Variants in DENR observed in about 807,000 individuals in gnomAD.
DENR encodes the protein density-regulated protein.
DENR carries 6 observed loss-of-function variants against 30.6 expected under a neutral mutation model. That is an observed-to-expected ratio of 0.20 (90% CI 0.11 to 0.39). The LOEUF (loss-of-function observed/expected upper bound fraction) is 0.39, where lower values mean the gene tolerates loss of function less well. DENR is among the 10% of genes least tolerant of loss of function. DENR has a pLI of 1.00. For synonymous variants in DENR, 78 were observed against 72.1 expected (o/e 1.08, Z -0.41); for missense variants, 141 against 230.9 (o/e 0.61, Z 2.52).
At chr12:122,757,786 G>A (rs1593759944) in intron 2 of DENR, among the ~76,000 whole-genome samples, 1 of 152,284 alleles carries the variant, frequency 6.6e-6, no homozygotes, top group East Asian at 1.9e-4. Flanking sequence ...GATGTGATTG[G>A]TTATATCTTT....
intron 6 of DENR, among the ~76,000 whole-genome samples, chr12:122,767,820 A>G (rs1878887050): frequency 6.6e-6 from 1 of 152,198 alleles, no homozygotes; most frequent in African/African-American, 2.4e-5. Flanking sequence ...ACTTTCTGGA[A>G]TTCCTGCTTG....
At chr12:122,758,839 A>ATTTTTTTT (rs1326385469) in intron 2 of DENR, among the ~76,000 whole-genome samples, 1 of 109,058 alleles carries the variant, frequency 9.2e-6, no homozygotes, top group Admixed American at 1.2e-4. Flanking sequence ...TAGAGGCTTA[A>ATTTTTTTT]TTTTTTATTT....
intron 2 of DENR, among the ~76,000 whole-genome samples, chr12:122,760,479 C>T (rs559420544): frequency 6.6e-6 from 1 of 152,248 alleles, no homozygotes; most frequent in Admixed American, 6.5e-5. Flanking sequence ...CTCCTGTAAT[C>T]CCAGCACTTT....
rs1174833614 is a variant in DENR at position 122,769,294 on chromosome 12, GT to G, written c.*217del. On this transcript the variant is annotated 3_prime_UTR_variant, in exon 8 of 8. Transcript: ENST00000280557. ...TATGTATACATATATACACATATAT[GT>G]ATACATATATACACATATGTATACA... 3 of 753,250 alleles carry G rather than the reference GT, an allele frequency of 4.0e-6. No homozygotes were observed. The highest frequency in any genetic ancestry group is 1.2e-4 in the South Asian group (2 of 17,356). 46.7% of individuals were successfully genotyped at this position (753,250 alleles called of 1,614,324 possible).
intron 5 of DENR, among the ~76,000 whole-genome samples, chr12:122,765,957 C>T (rs1878837338): frequency 6.6e-6 from 1 of 151,930 alleles, no homozygotes. Flanking sequence ...ACTCCTGGTG[C>T]TGTGGATCCT....
At position 122,769,257 on chromosome 12, in the gene DENR, T is replaced by TAC. The variant is rs1422949237; in HGVS notation, c.*181_*182dup. On this transcript the variant is annotated 3_prime_UTR_variant, in exon 8 of 8. Coordinates refer to ENST00000280557, the MANE Select transcript of DENR (RefSeq NM_003677.5). ...GTGTATGTATACATGTATATATATATACATACACATATATGTATACATATA... is the reference window on the plus strand; with the variant it reads ...GTGTATGTATACATGTATATATATATACACATACACATATATGTATACATATA... 5.7e-6 allele frequency: 4 copies of TAC among 698,092 alleles called. No individual in the cohort carries two copies. The highest frequency in any genetic ancestry group is 7.2e-6 in the Non-Finnish European group (4 of 555,468). 43.2% of individuals were successfully genotyped at this position (698,092 alleles called of 1,614,324 possible).
At chr12:122,754,921 G>A (rs988980960) in intron 2 of DENR, among the ~76,000 whole-genome samples, 1 of 152,094 alleles carries the variant, frequency 6.6e-6, no homozygotes, top group African/African-American at 2.4e-5. Context: ...ATGTTTAATG[G>A]TGAAAAAGGA....
intron 5 of DENR, among the ~76,000 whole-genome samples, chr12:122,766,267 G>A (rs116639036): frequency 0.012 from 1,843 of 152,174 alleles, 40 homozygotes; most frequent in African/African-American, 0.042. Context: ...AATAATAAGC[G>A]CACATGCACT....
Position 122,762,890 on chromosome 12 carries a change from G to T in DENR, c.172G>T (p.Glu58Ter). The T allele has an allele frequency of 1.3e-6, 2 of 1,549,948 alleles. No homozygotes were observed. Among genetic ancestry groups the T allele is most frequent in the South Asian group, 2.4e-5 (2 of 83,166 alleles). Residue 58 changes from glutamate to a stop codon, truncating the protein, a stop_gained, in exon 4 of 8, where the codon GAG becomes TAG. Transcript: ENST00000280557. LOFTEE classifies it high-confidence loss of function. ...PDVAKCRQWL[E>*]KNFPNEFAKL... ...TGTTGCTAAATGTAGACAATGGTTA[G>T]AGAAGAATTTTCCAAATGAATTTGC... is the stretch of plus-strand genomic sequence containing the variant.
Position 122,770,566 on chromosome 12 carries a change from A to T in DENR, c.*1488A>T, listed in dbSNP as rs1879009075. The T allele has an allele frequency of 2.5e-6, 1 of 398,346 alleles. No individual in the cohort carries two copies. The highest frequency in any genetic ancestry group is 1.3e-4 in the South Asian group (1 of 7,854). The allele number at this position is 398,346 out of a possible 1,614,324, so 24.7% of individuals were successfully genotyped here. A position where few individuals can be genotyped will look rare whatever the true frequency, so the allele number is the denominator to read the frequency against. On this transcript the variant is annotated 3_prime_UTR_variant, in exon 8 of 8. Transcript: ENST00000280557. Reference sequence around the variant, plus strand: ...ATATAGTCCTGGAAATAGCAATTGAAACATGTCTTCTCACAAGAGAAAATG... The same window carrying T: ...ATATAGTCCTGGAAATAGCAATTGATACATGTCTTCTCACAAGAGAAAATG...
In DENR at chr12:122,770,713, C is replaced by G. The variant is rs1401010405; in HGVS notation, c.*1635C>G. ...TTAAGAAACTTAGAACCCATGGAACCCTTGTTTATCGCCATGCAAATTACA... is the reference window on the plus strand; with the variant it reads ...TTAAGAAACTTAGAACCCATGGAACGCTTGTTTATCGCCATGCAAATTACA... On this transcript the variant is annotated 3_prime_UTR_variant, in exon 8 of 8. Transcript: ENST00000280557. 2.5e-6 allele frequency: 1 copy of G among 398,264 alleles called. No individual in the cohort carries two copies. The highest frequency in any genetic ancestry group is 3.6e-5 in the East Asian group (1 of 28,058). 24.7% of individuals were successfully genotyped at this position (398,264 alleles called of 1,614,324 possible). A position where few individuals can be genotyped will look rare whatever the true frequency, so the allele number is the denominator to read the frequency against.
chr12:122,762,539 T>C (rs542821736), intron 3 of DENR, among the ~76,000 whole-genome samples: 1 of 152,350 alleles, frequency 6.6e-6, no homozygotes, highest in African/African-American at 2.4e-5. Context: ...GTATAAATTA[T>C]GTGTAAGACT....
At chr12:122,764,962 G>A (rs1878808720) in intron 4 of DENR, among the ~76,000 whole-genome samples, 1 of 152,300 alleles carries the variant, frequency 6.6e-6, no homozygotes, top group South Asian at 2.1e-4. Flanking sequence ...ATGTCTGAGC[G>A]GGTGGGGAGC....
At chr12:122,768,541 T>C (rs777049575) in intron 6 of DENR, among the ~76,000 whole-genome samples, 14 of 152,202 alleles carry the variant, frequency 9.2e-5, no homozygotes, top group Non-Finnish European at 1.6e-4. Flanking sequence ...ATTTTGGTCT[T>C]AATATGAGTA....
At chr12:122,754,993 G>C (rs1337606215) in intron 2 of DENR, among the ~76,000 whole-genome samples, 2 of 152,200 alleles carry the variant, frequency 1.3e-5, no homozygotes, top group Non-Finnish European at 2.9e-5. Flanking sequence ...TGATGACTTT[G>C]AGAAAGATTA....
At chr12:122,765,510 A>G (rs1878823916) in intron 5 of DENR, 123 bp downstream of exon 5, 1 of 774,534 alleles carries the variant, frequency 1.3e-6, no homozygotes, top group Non-Finnish European at 2.1e-6. Flanking sequence ...ACAGCTTCTT[A>G]GGGGGCTGAG....
chr12:122,764,797 A>C (rs892396292), intron 4 of DENR, among the ~76,000 whole-genome samples: 1 of 152,228 alleles, frequency 6.6e-6, no homozygotes, highest in African/African-American at 2.4e-5. Flanking sequence ...TTGACTTTCA[A>C]GTGATTTCCC....
At chr12:122,755,155 G>C (rs967497463) in intron 2 of DENR, among the ~76,000 whole-genome samples, 4 of 152,194 alleles carry the variant, frequency 2.6e-5, no homozygotes, top group Non-Finnish European at 4.4e-5. Flanking sequence ...AAGATTCTTG[G>C]GGTGTACCTG....
chr12:122,766,177 A>ACTC (rs1350192145), intron 5 of DENR, among the ~76,000 whole-genome samples: 4 of 151,186 alleles, frequency 2.6e-5, no homozygotes, highest in African/African-American at 7.3e-5. Context: ...TACACTGTTC[A>ACTC]CTCCTCAGTC....
Sources: gnomAD v4.1 joint callset for allele counts (sites outside exome capture counted in the v4.1 genomes callset) on GRCh38, gnomAD v4.1.1 for gene constraint, MANE v1.5 for transcripts, NCBI Gene and HGNC (gene_info 2026-07-23, HGNC 2026-07-21) for gene names.